The following ATAD1 variants were observed in gnomAD, a reference collection of about 807,000 sequenced individuals.
ATAD1 encodes ATPase family AAA domain containing 1.
In ATAD1, 18 loss-of-function variants were observed where a neutral mutation model predicts 42.7. The observed-to-expected ratio is 0.42, with a 90% CI of 0.29 to 0.63. The LOEUF is 0.63. ATAD1 is among the 20% of genes least tolerant of loss of function. ATAD1 has a pLI of 0.19. For missense variants in ATAD1, 294 were observed against 440.4 expected (o/e 0.67, Z 2.98); for synonymous variants, 132 against 143.1 (o/e 0.92, Z 0.55).
At chr10:87,776,886 C>A (rs2131843657) in intron 5 of ATAD1, among the ~76,000 whole-genome samples, 1 of 151,952 alleles carries the variant, frequency 6.6e-6, no homozygotes, top group African/African-American at 2.4e-5. Context: ...CTATAGTGAT[C>A]ATTGAAATGT....
intron 6 of ATAD1, 92 bp from the exon 7 acceptor site, chr10:87,771,133 G>T: frequency 1.5e-5 from 13 of 879,472 alleles, no homozygotes; most frequent in South Asian, 6.0e-5. Context: ...AAAATTAAGT[G>T]GTATTTTAAC....
chr10:87,793,706 T>C lies in ATAD1; in HGVS notation c.163-951A>G, dbSNP rs867300663. ...CCATGAAAGAGTCTTTAAAAATCTATACATAACAAATTCAAATTTCAATTA... is the reference window on the plus strand; with the variant it reads ...CCATGAAAGAGTCTTTAAAAATCTACACATAACAAATTCAAATTTCAATTA... On this transcript the variant is annotated intron_variant, in intron 2 of 9. Coordinates refer to ENST00000680024, the MANE Select transcript of ATAD1 (RefSeq NM_001321967.2). Among the ~76,000 whole-genome samples the C allele has an allele frequency of 1.1e-4, 16 of 152,284 alleles. No homozygotes were observed. In the South Asian group the frequency reaches 1.2e-3, roughly 12 times the overall value.
exon 1 of ATAD1, chr10:87,841,266 A>G (rs1273776346): frequency 2.0e-5 from 3 of 152,186 alleles, no homozygotes; most frequent in East Asian, 1.9e-4. Flanking sequence ...TGAGACTAGC[A>G]TCATTCTAGT....
chr10:87,816,958 T>A (rs535501902), intron 1 of ATAD1, among the ~76,000 whole-genome samples: 1 of 152,282 alleles, frequency 6.6e-6, no homozygotes, highest in Admixed American at 6.5e-5. Flanking sequence ...ATTAGGGCTG[T>A]TATGAACACA....
chr10:87,812,245 A>G (rs2132054084), intron 2 of ATAD1, among the ~76,000 whole-genome samples: 1 of 152,238 alleles, frequency 6.6e-6, no homozygotes, highest in Non-Finnish European at 1.5e-5. Flanking sequence ...AGTTAAGCCT[A>G]CAGAAGTCTT....
At chr10:87,806,849 A>G (rs1275443784) in intron 2 of ATAD1, among the ~76,000 whole-genome samples, 5 of 152,310 alleles carry the variant, frequency 3.3e-5, no homozygotes, top group South Asian at 4.1e-4. Context: ...AGGAAGGACG[A>G]AAGTTAATCA....
chr10:87,776,468 A>G, intron 5 of ATAD1, 41 bp from the exon 6 acceptor site: 1 of 1,506,162 alleles, frequency 6.6e-7, no homozygotes, highest in South Asian at 1.1e-5. Flanking sequence ...TTAAGAATTA[A>G]TTATTTACCC....
chr10:87,759,614 G>C (rs540744058), intron 8 of ATAD1: 5 of 333,504 alleles, frequency 1.5e-5, no homozygotes, highest in South Asian at 1.0e-4. Context: ...GATACAGTTA[G>C]AAAGATGAAC....
chr10:87,794,910 C>G (rs1468453261), intron 2 of ATAD1, among the ~76,000 whole-genome samples: 1 of 152,106 alleles, frequency 6.6e-6, no homozygotes, highest in South Asian at 2.1e-4. Flanking sequence ...CAACAGCAGT[C>G]CCACTTTAAC....
At chr10:87,819,056 A>C (rs1236505183), upstream of ATAD1, 2 of 152,048 alleles carry the variant, frequency 1.3e-5, no homozygotes, top group Non-Finnish European at 2.9e-5. Context: ...ACTATGATGT[A>C]ATGAGAGTTC....
At chr10:87,825,936 C>A (rs533250642) in intron 1 of ATAD1, among the ~76,000 whole-genome samples, 14 of 152,256 alleles carry the variant, frequency 9.2e-5, no homozygotes, top group Admixed American at 3.9e-4. Context: ...GTTGAGGGAG[C>A]TTTACTGAGC....
chr10:87,825,800 T>C (rs1475200465), intron 1 of ATAD1, among the ~76,000 whole-genome samples: 1 of 149,548 alleles, frequency 6.7e-6, no homozygotes, highest in Non-Finnish European at 1.5e-5. Context: ...CTCCTCGGCT[T>C]AAGCAATCCT....
intron 2 of ATAD1, among the ~76,000 whole-genome samples, chr10:87,809,236 G>C (rs150592422): frequency 1.3e-5 from 2 of 152,240 alleles, no homozygotes; most frequent in East Asian, 3.9e-4. Flanking sequence ...AATCCATAGA[G>C]AACTTTTGAC....
In ATAD1 at chr10:87,773,901, G is replaced by C. The variant is rs74578646; in HGVS notation, c.690+2420C>G. On this transcript the variant is annotated intron_variant, in intron 6 of 9. Transcript: ENST00000680024. ...TTCTCAGGGAGAATAATTAGTTTTT[G>C]GCAACCTGTACATGAGTCCCATTGA... Among the ~76,000 whole-genome samples the C allele has an allele frequency of 5.5e-4, 84 of 152,198 alleles. No individual in the cohort carries two copies. The East Asian group carries it at 0.014, about 25-fold the overall frequency.
chr10:87,773,187 A>G (rs551519188), intron 6 of ATAD1, among the ~76,000 whole-genome samples: 3 of 152,352 alleles, frequency 2.0e-5, no homozygotes, highest in Non-Finnish European at 2.9e-5. Flanking sequence ...CTTTAAAACA[A>G]AACATAATTT....
chr10:87,826,077 C>A (rs1857723687), intron 1 of ATAD1, among the ~76,000 whole-genome samples: 1 of 152,138 alleles, frequency 6.6e-6, no homozygotes, highest in Non-Finnish European at 1.5e-5. Flanking sequence ...GGCCCAGCAG[C>A]AGTTCACTGG....
intron 3 of ATAD1, 51 bp from the exon 4 acceptor site, chr10:87,790,481 A>G: frequency 6.6e-7 from 1 of 1,520,558 alleles, no homozygotes; most frequent in Non-Finnish European, 8.8e-7. Context: ...TACACTCACT[A>G]AAGTAAAAAG....
intron 2 of ATAD1, among the ~76,000 whole-genome samples, chr10:87,807,780 A>G (rs909784074): frequency 2.6e-5 from 4 of 152,166 alleles, no homozygotes; most frequent in South Asian, 2.1e-4. Context: ...GGTAAGTGCT[A>G]TTATTATTTC....
chr10:87,778,198 A>AC (rs886903710), intron 5 of ATAD1, among the ~76,000 whole-genome samples: 6 of 150,862 alleles, frequency 4.0e-5, no homozygotes, highest in African/African-American at 1.5e-4. Context: ...AAAAAAAAAA[A>AC]AACTCAAGGC....
Sources: allele counts gnomAD v4.1 joint callset (sites outside exome capture counted in the v4.1 genomes callset), GRCh38; gene constraint gnomAD v4.1.1; transcripts MANE v1.5; gene names NCBI Gene and HGNC (gene_info 2026-07-23, HGNC 2026-07-21).